Variants in PTPRT observed in about 807,000 individuals in gnomAD.
The protein encoded by PTPRT is protein tyrosine phosphatase receptor type T, also known as receptor-type tyrosine-protein phosphatase T.
A neutral mutation model predicts 176.8 loss-of-function variants in PTPRT; 56 were observed. The ratio of observed to expected loss-of-function variants is 0.32; its 90% CI spans 0.26 to 0.40. The LOEUF is 0.40. Ranked by LOEUF, PTPRT falls within the 10% of genes least tolerant of loss-of-function variation. The pLI, the probability that PTPRT is intolerant of heterozygous loss-of-function variation, is 1.00. For missense variants in PTPRT, 1,540 were observed against 1,908.2 expected (o/e 0.81, Z 3.60); for synonymous variants, 783 against 739.0 (o/e 1.06, Z -0.96).
At chr20:42,170,590 G>T (rs1416820220) in intron 16 of PTPRT, among the ~76,000 whole-genome samples, 1 of 152,162 alleles carries the variant, frequency 6.6e-6, no homozygotes, top group East Asian at 1.9e-4. Context: ...TAAGCAACAG[G>T]CTTGTGGAGA....
intron 12 of PTPRT, among the ~76,000 whole-genome samples, chr20:42,289,387 A>C (rs1410536017): frequency 6.6e-6 from 1 of 152,142 alleles, no homozygotes; most frequent in Non-Finnish European, 1.5e-5. Flanking sequence ...TGCATCTGAC[A>C]GTGGACTAGT....
intron 2 of PTPRT, among the ~76,000 whole-genome samples, chr20:42,796,532 C>T (rs2077457179): frequency 6.6e-6 from 1 of 152,228 alleles, no homozygotes; most frequent in South Asian, 2.1e-4. Flanking sequence ...CTCAGATTTT[C>T]CGACTCCGAT....
chr20:42,910,344 G>T (rs891082054), intron 1 of PTPRT, among the ~76,000 whole-genome samples: 74 of 152,308 alleles, frequency 4.9e-4, no homozygotes, highest in African/African-American at 1.8e-3. Flanking sequence ...CCATATCCAT[G>T]TACCAGGAAT....
chr20:42,959,902 C>G (rs1177776153), intron 1 of PTPRT, among the ~76,000 whole-genome samples: 1 of 152,170 alleles, frequency 6.6e-6, no homozygotes, highest in Admixed American at 6.5e-5. Context: ...AGTGCCTTAT[C>G]TTCTGGAGGG....
intron 9 of PTPRT, among the ~76,000 whole-genome samples, chr20:42,436,475 G>A (rs2059263043): frequency 6.6e-6 from 1 of 152,094 alleles, no homozygotes; most frequent in Non-Finnish European, 1.5e-5. Context: ...GGAATACAAA[G>A]CAAGACAACA....
chr20:42,826,104 A>G (rs2077988096), intron 2 of PTPRT, among the ~76,000 whole-genome samples: 1 of 152,036 alleles, frequency 6.6e-6, no homozygotes. Flanking sequence ...GAGAGGATAT[A>G]GCTTCAAGGA....
chr20:43,014,554 T>A (rs1045903210), intron 1 of PTPRT, among the ~76,000 whole-genome samples: 1 of 152,270 alleles, frequency 6.6e-6, no homozygotes, highest in Middle Eastern at 3.4e-3. Context: ...AGAATTAAAA[T>A]CGGCATTCCG....
the PTPRT span, among the ~76,000 whole-genome samples, chr20:42,045,446 G>A: frequency 1.3e-5 from 2 of 150,810 alleles, no homozygotes; most frequent in African/African-American, 2.4e-5. Context: ...AAGAATCGAA[G>A]TTTGCATCCT....
chr20:42,376,884 T>C (rs545398871), intron 9 of PTPRT, among the ~76,000 whole-genome samples: 1 of 152,172 alleles, frequency 6.6e-6, no homozygotes, highest in East Asian at 1.9e-4. Context: ...AAAGGCGCGA[T>C]AAGGAAGTCA....
chr20:42,835,110 T>A (rs1315292974), intron 2 of PTPRT, among the ~76,000 whole-genome samples: 1 of 152,168 alleles, frequency 6.6e-6, no homozygotes, highest in African/African-American at 2.4e-5. Context: ...AAACAAGTGA[T>A]GTGTCTGGGA....
intron 1 of PTPRT, among the ~76,000 whole-genome samples, chr20:43,094,691 C>T (rs1600708641): frequency 2.6e-5 from 4 of 152,240 alleles, no homozygotes; most frequent in Admixed American, 2.6e-4. Flanking sequence ...GCCACCATGC[C>T]CGGCCTCTTC....
chr20:42,508,942 TATA>T (rs1396181865), intron 7 of PTPRT, among the ~76,000 whole-genome samples: 1 of 142,916 alleles, frequency 7.0e-6, no homozygotes, highest in African/African-American at 2.5e-5. Context: ...AATTTATAAA[TATA>T]ATTTATATTT....
At chr20:42,098,965 G>A (rs974500447) in intron 26 of PTPRT, among the ~76,000 whole-genome samples, 10 of 152,236 alleles carry the variant, frequency 6.6e-5, no homozygotes, top group African/African-American at 1.7e-4. Flanking sequence ...GCCTGAGGCC[G>A]AGATTCTCCC....
chr20:42,938,339 T>C (rs1980328396), intron 1 of PTPRT, among the ~76,000 whole-genome samples: 1 of 152,168 alleles, frequency 6.6e-6, no homozygotes, highest in Admixed American at 6.5e-5. Context: ...AGCTAGACAA[T>C]TACTGTTTTC....
intron 7 of PTPRT, among the ~76,000 whole-genome samples, chr20:42,495,835 T>G (rs528125374): frequency 6.6e-6 from 1 of 152,214 alleles, no homozygotes; most frequent in East Asian, 1.9e-4. Flanking sequence ...CTGGCAGACT[T>G]AAAAACTACA....
intron 7 of PTPRT, among the ~76,000 whole-genome samples, chr20:42,672,078 G>A (rs1040120265): frequency 8.5e-5 from 13 of 152,176 alleles, no homozygotes; most frequent in African/African-American, 2.9e-4. Flanking sequence ...CCACTGTGAT[G>A]GTTAATAATG....
intron 15 of PTPRT, among the ~76,000 whole-genome samples, chr20:42,203,461 T>C (rs1991531516): frequency 6.6e-6 from 1 of 152,086 alleles, no homozygotes; most frequent in Non-Finnish European, 1.5e-5. Context: ...ATCAACTACC[T>C]CCTCCCACCA....
At chr20:42,965,822 C>T (rs1200155025) in intron 1 of PTPRT, among the ~76,000 whole-genome samples, 1 of 152,150 alleles carries the variant, frequency 6.6e-6, no homozygotes, top group Admixed American at 6.5e-5. Flanking sequence ...TCTTTGGGGA[C>T]AGTGGAGAAG....
intron 2 of PTPRT, among the ~76,000 whole-genome samples, chr20:42,830,984 T>C (rs900332678): frequency 2.0e-5 from 3 of 151,916 alleles, no homozygotes; most frequent in African/African-American, 7.2e-5. Flanking sequence ...ACCTACAGAA[T>C]CTACCAAACT....
Sources: gnomAD v4.1 joint callset for allele counts (sites outside exome capture counted in the v4.1 genomes callset) on GRCh38, gnomAD v4.1.1 for gene constraint, MANE v1.5 for transcripts, NCBI Gene and HGNC (gene_info 2026-07-23, HGNC 2026-07-21) for gene names.